The following RYR3 variants were observed in gnomAD, a reference collection of about 807,000 sequenced individuals.
RYR3 encodes brain ryanodine receptor-calcium release channel.
In RYR3, 207 loss-of-function variants were observed where a neutral mutation model predicts 584.3. That is an observed-to-expected ratio of 0.35 (90% CI 0.32 to 0.40). RYR3 has a LOEUF of 0.40. Among genes scored for constraint, RYR3 ranks in the 10% least tolerant of loss-of-function variants. The probability of loss-of-function intolerance (pLI) is 1.00; values close to 1 mark genes in which losing one functional copy is unlikely to be tolerated. For missense variants in RYR3, 5,616 were observed against 6,089.2 expected, an observed-to-expected ratio of 0.92 and a Z score of 2.59; for synonymous variants, 2,416 against 2,248.5, an observed-to-expected ratio of 1.07 and a Z score of -2.11.
At chr15:33,863,264 G>T (rs1362778642) in intron 102 of RYR3, among the ~76,000 whole-genome samples, 1 of 152,144 alleles carries the variant, frequency 6.6e-6, no homozygotes. Flanking sequence ...CAGCCCCTAC[G>T]TATCAAACAG....
chr15:33,337,933 G>T (rs568084169), intron 1 of RYR3, among the ~76,000 whole-genome samples: 40 of 84,178 alleles, frequency 4.8e-4, no homozygotes, highest in Middle Eastern at 0.017. Context: ...CATTTTAGGA[G>T]ATTTTTTTTT....
At chr15:33,688,685 G>C (rs1347999947) in intron 38 of RYR3, among the ~76,000 whole-genome samples, 1 of 151,522 alleles carries the variant, frequency 6.6e-6, no homozygotes, top group Non-Finnish European at 1.5e-5. Context: ...ATATCATCTC[G>C]TGCCAGTTAG....
intron 1 of RYR3, among the ~76,000 whole-genome samples, chr15:33,369,373 C>G (rs184048314): frequency 6.6e-6 from 1 of 152,344 alleles, no homozygotes; most frequent in Admixed American, 6.5e-5. Context: ...TGTTCAGTCT[C>G]TGGTCCTTTG....
intron 5 of RYR3, among the ~76,000 whole-genome samples, chr15:33,537,118 A>G (rs2055397437): frequency 1.3e-5 from 2 of 152,194 alleles, no homozygotes; most frequent in Non-Finnish European, 2.9e-5. Flanking sequence ...AATTTATTGT[A>G]TTACTTTAGA....
intron 13 of RYR3, among the ~76,000 whole-genome samples, chr15:33,580,843 T>TGATCTAACCA (rs2058553471): frequency 6.6e-6 from 1 of 152,214 alleles, no homozygotes. Context: ...CTCAGTCTTC[T>TGATCTAACCA]GATCTAACCA....
chr15:33,486,661 G>A (rs996952005), intron 2 of RYR3, among the ~76,000 whole-genome samples: 21 of 152,164 alleles, frequency 1.4e-4, no homozygotes, highest in Non-Finnish European at 5.9e-5. Context: ...CAAAGAGGAG[G>A]GGAGTAGAGG....
At chr15:33,761,052 G>A (rs2072383839) in intron 60 of RYR3, among the ~76,000 whole-genome samples, 1 of 152,158 alleles carries the variant, frequency 6.6e-6, no homozygotes, top group African/African-American at 2.4e-5. Context: ...TGAAACCAAT[G>A]AGAACAAAGA....
Position 33,580,123 on chromosome 15 carries a change from A to G in RYR3, c.1416A>G (p.Arg472=), listed in dbSNP as rs750035676. The G allele has an allele frequency of 2.5e-6, 4 of 1,608,782 alleles. No individual in the cohort carries two copies. Among genetic ancestry groups the G allele is most frequent in the Non-Finnish European group, 2.5e-6 (3 of 1,177,628 alleles). The change falls in exon 13 of 104, where the codon AGA becomes AGG. Residue 472 remains arginine, a synonymous_variant. Transcript: ENST00000634891. ...ACAAGCTCCGCTCACTCAAAAACAG[A>G]CAAAATCTTTTCAAGGAAGAGGTAA... ...KQNKLRSLKN[R]QNLFKEEGML...
intron 1 of RYR3, among the ~76,000 whole-genome samples, chr15:33,321,678 C>T (rs973105066): frequency 6.6e-6 from 1 of 152,082 alleles, no homozygotes; most frequent in Non-Finnish European, 1.5e-5. Flanking sequence ...CTTAATTGGA[C>T]TTAATAGACG....
intron 38 of RYR3, among the ~76,000 whole-genome samples, chr15:33,684,133 G>GCTCT (rs1305462752): frequency 6.6e-6 from 1 of 152,232 alleles, no homozygotes; most frequent in Non-Finnish European, 1.5e-5. Flanking sequence ...AGAGAGCAGT[G>GCTCT]GTTCTCCCAG....
intron 1 of RYR3, among the ~76,000 whole-genome samples, chr15:33,383,377 G>A (rs529471307): frequency 2.7e-5 from 4 of 150,272 alleles, no homozygotes; most frequent in South Asian, 4.3e-4. Flanking sequence ...GCCACACTTC[G>A]GTGATATGTC....
At chr15:33,606,383 G>C (rs2059904864) in intron 18 of RYR3, among the ~76,000 whole-genome samples, 1 of 152,180 alleles carries the variant, frequency 6.6e-6, no homozygotes, top group South Asian at 2.1e-4. Flanking sequence ...AAGACCATGA[G>C]AATAGCCCAG....
chr15:33,467,451 G>A (rs2676097), intron 1 of RYR3: 522,683 of 980,310 alleles, frequency 0.53, 140,490 homozygotes, highest in African/African-American at 0.67. Context: ...CAGCAGAGAT[G>A]GCTCTCTATT....
intron 23 of RYR3, 92 bp downstream of exon 23, chr15:33,631,385 A>G (rs963723230): frequency 4.8e-5 from 38 of 791,890 alleles, no homozygotes; most frequent in African/African-American, 4.2e-4. Context: ...ACAACAGCCC[A>G]CATAGTTGCT....
chr15:33,500,596 G>C (rs1011288244), intron 2 of RYR3, among the ~76,000 whole-genome samples: 18 of 152,182 alleles, frequency 1.2e-4, no homozygotes, highest in African/African-American at 4.1e-4. Context: ...CTTGGGGAGA[G>C]TGATGAGGAG....
At chr15:33,586,213 T>C in intron 16 of RYR3, 97 bp downstream of exon 16, 1 of 742,524 alleles carries the variant, frequency 1.3e-6, no homozygotes, top group South Asian at 1.7e-5. Flanking sequence ...GATTAGTCTT[T>C]CTTGACTTTG....
At chr15:33,800,211 C>G (rs534240319) in intron 67 of RYR3, among the ~76,000 whole-genome samples, 1 of 152,272 alleles carries the variant, frequency 6.6e-6, no homozygotes, top group East Asian at 1.9e-4. Context: ...TGCTTATACA[C>G]TTCAAATCAC....
At position 33,623,877 on chromosome 15, in the gene RYR3, T is replaced by C. The variant is rs369782623; in HGVS notation, c.2428T>C (p.Tyr810His). 52 of 1,613,848 alleles carry C rather than the reference T, an allele frequency of 3.2e-5. No individual in the cohort carries two copies. Among genetic ancestry groups the C allele is most frequent in the Non-Finnish European group, 4.2e-5 (49 of 1,179,832 alleles). Residue 810 changes from tyrosine to histidine, a missense_variant, in exon 20 of 104, where the codon TAT (tyrosine) becomes CAT (histidine). Tyr to His is a moderately conservative substitution (Grantham distance 83). Transcript: ENST00000634891. ...FLPPSGYAPC[Y>H]EALLPKEKMR... ...GCCTCCCTCTGGCTATGCCCCTTGC[T>C]ATGAAGCCTTACTTCCAAAAGAGAA...
At chr15:33,554,358 C>T (rs978251741) in intron 10 of RYR3, among the ~76,000 whole-genome samples, 4 of 145,048 alleles carry the variant, frequency 2.8e-5, no homozygotes, top group Non-Finnish European at 5.9e-5. Context: ...TACAGTGGTG[C>T]GATCTCGACT....
Sources: gnomAD v4.1 joint callset for allele counts (sites outside exome capture counted in the v4.1 genomes callset) on GRCh38, gnomAD v4.1.1 for gene constraint, MANE v1.5 for transcripts, NCBI Gene and HGNC (gene_info 2026-07-23, HGNC 2026-07-21) for gene names.